CXCL14: variants seen among roughly 807,000 people sequenced by gnomAD.
CXCL14 encodes the protein C-X-C motif chemokine 14.
Under a neutral mutation model 16.1 loss-of-function variants are expected in CXCL14, and 9 were observed. The observed-to-expected ratio is 0.56, with a 90% CI of 0.34 to 0.97. The LOEUF is 0.97. CXCL14 is among the 50% of genes least tolerant of loss of function. The pLI is 0.02. For synonymous variants in CXCL14, 55 were observed against 52.8 expected (o/e 1.04, Z -0.18); for missense variants, 111 against 132.5 (o/e 0.84, Z 0.80).
At chr5:135,575,248 G>A (rs1396361906) in intron 2 of CXCL14, among the ~76,000 whole-genome samples, 1 of 152,180 alleles carries the variant, frequency 6.6e-6, no homozygotes, top group Non-Finnish European at 1.5e-5. Flanking sequence ...CTGAGGCAAA[G>A]TCTTGTTGGC....
chr5:135,573,779 G>A (rs1281216605), intron 3 of CXCL14, among the ~76,000 whole-genome samples: 1 of 151,888 alleles, frequency 6.6e-6, no homozygotes. Context: ...TGTGTAAACA[G>A]ACTCTGCGTA....
chr5:135,572,534 C>T (rs955782330), intron 3 of CXCL14, among the ~76,000 whole-genome samples: 1 of 152,234 alleles, frequency 6.6e-6, no homozygotes, highest in African/African-American at 2.4e-5. Flanking sequence ...TTCCCCTCAC[C>T]TCTCAAGCTG....
Position 135,571,844 on chromosome 5 carries a change from T to G in CXCL14, c.*9A>C. ...TGGTTTGGAGTTTTCCCTTCTGAGGTTTTTCACCCTATTCTTCGTAGACCC... is the reference window on the plus strand; with the variant it reads ...TGGTTTGGAGTTTTCCCTTCTGAGGGTTTTCACCCTATTCTTCGTAGACCC... On this transcript the variant is annotated 3_prime_UTR_variant, in exon 4 of 4. Transcript: ENST00000512158. 4.4e-6 allele frequency: 7 copies of G among 1,600,114 alleles called. No homozygotes were observed. Among genetic ancestry groups the G allele is most frequent in the Non-Finnish European group, 6.0e-6 (7 of 1,173,290 alleles).
At chr5:135,576,403 C>G (rs1302813683) in intron 2 of CXCL14, among the ~76,000 whole-genome samples, 3 of 152,238 alleles carry the variant, frequency 2.0e-5, no homozygotes, top group African/African-American at 7.2e-5. Context: ...GGTCAGTGTG[C>G]AGGCTGTGCA....
chr5:135,572,524 T>C (rs1751043936), intron 3 of CXCL14, among the ~76,000 whole-genome samples: 1 of 152,146 alleles, frequency 6.6e-6, no homozygotes, highest in South Asian at 2.1e-4. Context: ...CAGCCCCACC[T>C]TCCCCTCACC....
chr5:135,575,308 C>G (rs991502719), intron 2 of CXCL14, among the ~76,000 whole-genome samples: 1 of 152,086 alleles, frequency 6.6e-6, no homozygotes, highest in Non-Finnish European at 1.5e-5. Flanking sequence ...AGTAAGACCT[C>G]TCTTCTGCAC....
At chr5:135,574,539 G>A (rs746744931) in intron 3 of CXCL14, 33 bp downstream of exon 3, 1 of 1,578,466 alleles carries the variant, frequency 6.3e-7, no homozygotes, top group Non-Finnish European at 8.7e-7. Flanking sequence ...GCTGGGTCTG[G>A]TGGGAAGGAA....
intron 3 of CXCL14, among the ~76,000 whole-genome samples, chr5:135,572,933 G>C (rs1179380073): frequency 6.6e-6 from 1 of 152,176 alleles, no homozygotes; most frequent in Non-Finnish European, 1.5e-5. Flanking sequence ...GGTGGGGAGG[G>C]CAGGGACCTC....
In CXCL14 at chr5:135,578,310, G is replaced by C. The variant is rs141622571; in HGVS notation, c.170+124C>G. ...AAGGACTCTCTGGGCAATTACAAAG[G>C]CTTTTCCAGGGCCTTGACAAAGTCG... On this transcript the variant is annotated intron_variant, in intron 2 of 3. Transcript: ENST00000512158. 2.9e-5 allele frequency: 23 copies of C among 795,140 alleles called. 1 individual carries two copies. The highest frequency in any genetic ancestry group is 4.4e-5 in the Non-Finnish European group (21 of 476,110). 49.3% of individuals were successfully genotyped at this position (795,140 alleles called of 1,614,324 possible). A position where few individuals can be genotyped will look rare whatever the true frequency, so the allele number is the denominator to read the frequency against.
At chr5:135,577,550 G>A (rs1051684432) in intron 2 of CXCL14, among the ~76,000 whole-genome samples, 5 of 152,204 alleles carry the variant, frequency 3.3e-5, no homozygotes, top group African/African-American at 1.2e-4. Flanking sequence ...TTGCGCCGGT[G>A]GGGGCCAGCT....
Position 135,574,498 on chromosome 5 carries a change from G to A in CXCL14, c.284+74C>T, listed in dbSNP as rs969674375. ...ATTAGATGGGGCTAGATGACCTGGT[G>A]GGGGGGTCCCTTCCCATCCTGAGAG... On this transcript the variant is annotated intron_variant, in intron 3 of 3. Transcript: ENST00000512158. 9.4e-6 allele frequency: 11 copies of A among 1,175,976 alleles called. No individual in the cohort carries two copies. The African/African-American group carries it at 1.2e-4, about 13-fold the overall frequency. 72.8% of individuals were successfully genotyped at this position (1,175,976 alleles called of 1,614,324 possible). A position where few individuals can be genotyped will look rare whatever the true frequency, so the allele number is the denominator to read the frequency against.
rs1176969918 is a variant in CXCL14 at position 135,571,228 on chromosome 5, TA to T, written c.*624del. ...TCTTGGAAATGTTTCCTAGGGTGTGTAAAAATTAACCAGGGGGGAATGAAGC... is the reference window on the plus strand; with the variant it reads ...TCTTGGAAATGTTTCCTAGGGTGTGTAAAATTAACCAGGGGGGAATGAAGC... On this transcript the variant is annotated 3_prime_UTR_variant, in exon 4 of 4. Coordinates refer to ENST00000512158, the MANE Select transcript of CXCL14 (RefSeq NM_004887.5). The T allele has an allele frequency of 6.6e-6, 1 of 152,314 alleles. No homozygotes were observed. The allele number at this position is 152,314 out of a possible 1,614,324, so 9.4% of individuals were successfully genotyped here. A position where few individuals can be genotyped will look rare whatever the true frequency, so the allele number is the denominator to read the frequency against.
intron 3 of CXCL14, among the ~76,000 whole-genome samples, chr5:135,572,250 C>T (rs913878236): frequency 6.6e-6 from 1 of 152,244 alleles, no homozygotes; most frequent in Non-Finnish European, 1.5e-5. Context: ...GCTGCTCCCA[C>T]ACCTCCTTGT....
At chr5:135,572,267 C>A (rs1751041222) in intron 3 of CXCL14, among the ~76,000 whole-genome samples, 1 of 152,206 alleles carries the variant, frequency 6.6e-6, no homozygotes, top group South Asian at 2.1e-4. Context: ...TTGTTTCTTT[C>A]CGCGTCTGTA....
At position 135,574,591 on chromosome 5, in the gene CXCL14, C is replaced by T. The variant is rs765232019; in HGVS notation, c.265G>A (p.Ala89Thr). Residue 89 changes from alanine (A) to threonine (T), a missense_variant, in exon 3 of 4, where the codon GCC (alanine) becomes ACC (threonine). Coordinates refer to ENST00000512158, the MANE Select transcript of CXCL14 (RefSeq NM_004887.5). ...STKRFIKWYN[A>T]WNEKRRVYEE ...GCGTACCTGCGCTTCTCGTTCCAGG[C>T]GTTGTACCACTTGATGAAGCGCTTG... 57 of 1,612,774 alleles carry T rather than the reference C, an allele frequency of 3.5e-5. No homozygotes were observed. The highest frequency in any genetic ancestry group is 2.5e-4 in the East Asian group (11 of 44,862).
chr5:135,571,714 T>C lies in CXCL14; in HGVS notation c.*139A>G, dbSNP rs1751030690. 4.7e-6 allele frequency: 4 copies of C among 854,872 alleles called. No homozygotes were observed. Among genetic ancestry groups the C allele is most frequent in the Non-Finnish European group, 6.9e-6 (4 of 578,656 alleles). The allele number at this position is 854,872 out of a possible 1,614,324, so 53.0% of individuals were successfully genotyped here. On this transcript the variant is annotated 3_prime_UTR_variant, in exon 4 of 4. Coordinates refer to ENST00000512158, the MANE Select transcript of CXCL14 (RefSeq NM_004887.5). The stretch of plus-strand genomic sequence containing the variant: ...AAGTGCTTCATAACAATATATAATT[T>C]GTGTCTTATGCCTGTGAGAAAGAAA...
intron 3 of CXCL14, 111 bp from the exon 4 acceptor site, chr5:135,571,979 C>G: frequency 9.2e-7 from 1 of 1,082,932 alleles, no homozygotes; most frequent in Non-Finnish European, 1.4e-6. Flanking sequence ...TGCCCCTGTC[C>G]CAGAACTGCA....
chr5:135,578,423 C>T lies in CXCL14; in HGVS notation c.170+11G>A, dbSNP rs751757658. On this transcript the variant is annotated intron_variant, in intron 2 of 3. Coordinates refer to ENST00000512158, the MANE Select transcript of CXCL14 (RefSeq NM_004887.5). ...GTGCGCACCCCCTCAAGGTGAGGAG[C>T]GAGAACTCACATAACCATCTTCTCC... The T allele has an allele frequency of 3.1e-6, 5 of 1,609,878 alleles. No homozygotes were observed. The Admixed American group carries it at 5.0e-5, about 16-fold the overall frequency.
At chr5:135,573,707 TGC>T (rs1751056666) in intron 3 of CXCL14, among the ~76,000 whole-genome samples, 1 of 139,538 alleles carries the variant, frequency 7.2e-6, no homozygotes, top group Non-Finnish European at 1.5e-5. Context: ...TGTGCATGCA[TGC>T]GTGTGTGTGT....
Sources: gnomAD v4.1 joint callset for allele counts (sites outside exome capture counted in the v4.1 genomes callset) on GRCh38, gnomAD v4.1.1 for gene constraint, MANE v1.5 for transcripts, NCBI Gene and HGNC (gene_info 2026-07-23, HGNC 2026-07-21) for gene names.